ADAMTSL2: variants seen among roughly 807,000 people sequenced by gnomAD.
The protein encoded by ADAMTSL2 is ADAMTS-like protein 2.
ADAMTSL2 carries 55 observed loss-of-function variants against 117.0 expected under a neutral mutation model. That is an observed-to-expected ratio of 0.47 (90% CI 0.38 to 0.59). The LOEUF (loss-of-function observed/expected upper bound fraction) is 0.59. Ranked by LOEUF, ADAMTSL2 falls within the 20% of genes least tolerant of loss-of-function variation. The pLI is 0.00. For synonymous variants in ADAMTSL2, 572 were observed against 566.4 expected (o/e 1.01, Z -0.14); for missense variants, 1,182 against 1,354.5 (o/e 0.87, Z 2.00).
At chr9:133,560,337 T>A (rs1830697043) in intron 11 of ADAMTSL2, among the ~76,000 whole-genome samples, 1 of 152,228 alleles carries the variant, frequency 6.6e-6, no homozygotes, top group Non-Finnish European at 1.5e-5. Flanking sequence ...CCGCGCCGGC[T>A]TGCCATCGCC....
rs1254717441 is a variant in ADAMTSL2, at chr9:133,540,743, GGTT to G, written c.558+4_558+6del. On this transcript the variant is annotated splice_donor_variant and splice_donor_region_variant and intron_variant, in intron 6 of 18. Coordinates refer to ENST00000651351, the MANE Select transcript of ADAMTSL2 (RefSeq NM_014694.4). LOFTEE classifies it high-confidence loss of function. The stretch of plus-strand genomic sequence containing the variant: ...GGGTTTGCGTGTCTGGAAAATGTGA[GGTT>G]GTTAAACGTTGTAGCAAAAGTACCG... The G allele has an allele frequency of 6.2e-7, 1 of 1,613,866 alleles. No homozygotes were observed. The highest frequency in any genetic ancestry group is 8.5e-7 in the Non-Finnish European group (1 of 1,180,044).
intron 11 of ADAMTSL2, among the ~76,000 whole-genome samples, chr9:133,559,255 G>A (rs976467293): frequency 2.0e-5 from 3 of 152,216 alleles, no homozygotes; most frequent in Admixed American, 6.5e-5. Context: ...CCTGATCTGG[G>A]TGCTCTGAGT....
chr9:133,549,541 CTTTTTTTTT>C (rs33971536), intron 9 of ADAMTSL2, among the ~76,000 whole-genome samples: 1 of 134,848 alleles, frequency 7.4e-6, no homozygotes, highest in Non-Finnish European at 1.6e-5. Flanking sequence ...CTTTCCTACT[CTTTTTTTTT>C]TTTTTTTTTT....
Position 133,574,718 on chromosome 9 carries a change from C to T in ADAMTSL2, c.2738-28C>T, listed in dbSNP as rs1254524012. 8.1e-6 allele frequency: 13 copies of T among 1,603,154 alleles called. No individual in the cohort carries two copies. The South Asian group carries it at 1.2e-4, about 15-fold the overall frequency. ...CCCCTTGGCCACCTCCTGAAACTGC[C>T]CTGCTTCGCTCTGTGTTCCTTCTCC... is the stretch of plus-strand genomic sequence containing the variant. On this transcript the variant is annotated intron_variant, in intron 18 of 18. Transcript: ENST00000651351.
intron 12 of ADAMTSL2, among the ~76,000 whole-genome samples, chr9:133,564,943 C>T (rs1830928822): frequency 6.6e-6 from 1 of 152,126 alleles, no homozygotes; most frequent in Admixed American, 6.5e-5. Context: ...GCAGATCAGC[C>T]TGCCCTGAGC....
At chr9:133,561,147 C>A (rs1194796699) in intron 11 of ADAMTSL2, 51 bp from the exon 12 acceptor site, 4 of 1,487,952 alleles carry the variant, frequency 2.7e-6, no homozygotes, top group East Asian at 2.4e-5. Flanking sequence ...CGGAGCCTGC[C>A]GGTGGGGCCT....
intron 13 of ADAMTSL2, among the ~76,000 whole-genome samples, chr9:133,567,740 G>T (rs2131178721): frequency 6.6e-6 from 1 of 152,360 alleles, no homozygotes; most frequent in South Asian, 2.1e-4. Flanking sequence ...TGCTGCTAAG[G>T]CTGGCCCGGG....
Position 133,554,185 on chromosome 9 carries a change from C to T in ADAMTSL2, c.940-172C>T, listed in dbSNP as rs1253686544. 6.6e-6 allele frequency among the ~76,000 whole-genome samples: 1 copy of T among 152,216 alleles called. No individual in the cohort carries two copies. Among genetic ancestry groups the T allele is most frequent in the Non-Finnish European group, 1.5e-5 (1 of 68,028 alleles). On this transcript the variant is annotated intron_variant, in intron 9 of 18. Coordinates refer to ENST00000651351, the MANE Select transcript of ADAMTSL2 (RefSeq NM_014694.4). This position sits in a 1 kb window ranked among gnomAD's most constrained non-coding sequence, Gnocchi z 5.2. ...GTTCCCAGGCTCTTTGACTTGGATG[C>T]CCCTGGGGCAGGAGCACTGCGTTGG...
chr9:133,542,660 CAA>C (rs572739696), intron 7 of ADAMTSL2, among the ~76,000 whole-genome samples: 346 of 152,302 alleles, frequency 2.3e-3, no homozygotes, highest in African/African-American at 8.1e-3. Context: ...CAGAAACAGT[CAA>C]AGAGAGGCTA....
In ADAMTSL2 at chr9:133,543,620, T is replaced by A. The variant is rs9802767; in HGVS notation, c.683-850T>A. On this transcript the variant is annotated intron_variant, in intron 7 of 18. Coordinates refer to ENST00000651351, the MANE Select transcript of ADAMTSL2 (RefSeq NM_014694.4). ...TAGGGGAGGGATGGCAGGCGGGTAC[T>A]GGCCTGCAGGAGACACTCACCCCAG... Among the ~76,000 whole-genome samples the A allele has an allele frequency of 3.7e-3, 562 of 152,230 alleles. 4 individuals carry two copies. The highest frequency in any genetic ancestry group is 6.8e-3 in the Middle Eastern group (2 of 294).
intron 11 of ADAMTSL2, among the ~76,000 whole-genome samples, chr9:133,560,118 A>G (rs1443910733): frequency 6.6e-6 from 1 of 152,174 alleles, no homozygotes; most frequent in African/African-American, 2.4e-5. Context: ...TTCTGAATAT[A>G]ATGCTCTAAG....
In ADAMTSL2 at chr9:133,547,516, A is replaced by G. The variant is rs28632182; in HGVS notation, c.939+303A>G. ...CTGTTCACTTCTCACTCAACCACCT[A>G]TTCTCTCACCCACTTCTTGAAATCA... On this transcript the variant is annotated intron_variant, in intron 9 of 18. Transcript: ENST00000651351. 0.076 allele frequency among the ~76,000 whole-genome samples: 11,585 copies of G among 152,192 alleles called. 639 individuals are homozygous for G. The highest frequency in any genetic ancestry group is 0.12 in the Non-Finnish European group (8,424 of 67,982).
intron 11 of ADAMTSL2, among the ~76,000 whole-genome samples, chr9:133,556,824 C>T (rs1002551673): frequency 6.6e-6 from 1 of 152,196 alleles, no homozygotes; most frequent in African/African-American, 2.4e-5. Context: ...GACCCCAGAC[C>T]TGTCGTGTCC....
intron 13 of ADAMTSL2, among the ~76,000 whole-genome samples, chr9:133,567,444 G>A (rs377288793): frequency 0.028 from 4,240 of 152,314 alleles, 71 homozygotes; most frequent in Middle Eastern, 0.099. Flanking sequence ...CTTGGATGTG[G>A]GTGGAGGCCT....
intron 11 of ADAMTSL2, among the ~76,000 whole-genome samples, chr9:133,560,086 C>T (rs1428771966): frequency 6.6e-6 from 1 of 152,222 alleles, no homozygotes; most frequent in African/African-American, 2.4e-5. Context: ...ATGTCTGTAT[C>T]ACGGAGTCAA....
chr9:133,554,316 C>A lies in ADAMTSL2; in HGVS notation c.940-41C>A. 6.7e-7 allele frequency: 1 copy of A among 1,502,872 alleles called. No individual in the cohort carries two copies. The highest frequency in any genetic ancestry group is 8.9e-7 in the Non-Finnish European group (1 of 1,118,806). 93.1% of individuals were successfully genotyped at this position (1,502,872 alleles called of 1,614,324 possible). A position where few individuals can be genotyped will look rare whatever the true frequency, so the allele number is the denominator to read the frequency against. The stretch of plus-strand genomic sequence containing the variant: ...GGGGATTGGTGGGGAAGGGGCTGGA[C>A]AGAGTAAGGAGGGGCTGGGGACCCA... On this transcript the variant is annotated intron_variant, in intron 9 of 18. Transcript: ENST00000651351. This position sits in a 1 kb window ranked among gnomAD's most constrained non-coding sequence, Gnocchi z 5.2.
intron 6 of ADAMTSL2, 52 bp from the exon 7 acceptor site, chr9:133,540,826 G>A (rs535762003): frequency 3.9e-5 from 63 of 1,613,198 alleles, no homozygotes; most frequent in Non-Finnish European, 3.6e-5. Flanking sequence ...GGCGGCCCCG[G>A]GGCCTGGCCA....
In ADAMTSL2 at chr9:133,574,788, C is replaced by T. The variant is rs1831189296; in HGVS notation, c.2780C>T (p.Ala927Val). 1.2e-6 allele frequency: 2 copies of T among 1,613,686 alleles called. No individual in the cohort carries two copies. Among genetic ancestry groups the T allele is most frequent in the South Asian group, 1.1e-5 (1 of 91,094 alleles). The part of the protein sequence containing the change: ...QDQPGTNCAL[A>V]IKVNLCGHWY... ...CAGCCAGGCACCAACTGTGCCCTGG[C>T]CATCAAAGTGAACCTCTGCGGGCAC... Residue 927 changes from alanine to valine, a missense_variant, in exon 19 of 19, where the codon GCC (alanine) becomes GTC (valine). Transcript: ENST00000651351.
chr9:133,567,013 C>T lies in ADAMTSL2; in HGVS notation c.1825C>T (p.Arg609Cys). Residue 609 changes from arginine (R) to cysteine (C), a missense_variant, in exon 13 of 19, where the codon CGT (arginine) becomes TGT (cysteine). Arg to Cys is a radical substitution (Grantham distance 180). Around this residue, in one of 3 missense-constraint regions of ADAMTSL2, gnomAD observed 465 missense variants for 565.3 expected, o/e 0.82. Coordinates refer to ENST00000651351, the MANE Select transcript of ADAMTSL2 (RefSeq NM_014694.4). ...VDDSYCDALT[R>C]PEPVHEFCAG... ...TGACAGCTACTGTGACGCCCTGACC[C>T]GTCCCGAGCCTGTCCACGAGTTCTG... 3 of 1,611,416 alleles carry T rather than the reference C, an allele frequency of 1.9e-6. No homozygotes were observed. The highest frequency in any genetic ancestry group is 1.7e-5 in the Admixed American group (1 of 59,888).
Sources: allele counts gnomAD v4.1 joint callset (sites outside exome capture counted in the v4.1 genomes callset), GRCh38; gene constraint gnomAD v4.1.1; regional missense constraint gnomAD v4.1.1; non-coding constraint Gnocchi (gnomAD v3.1); transcripts MANE v1.5; gene names NCBI Gene and HGNC (gene_info 2026-07-23, HGNC 2026-07-21).